The following PC variants were observed in gnomAD, a reference collection of about 807,000 sequenced individuals.
PC encodes pyruvate carboxylase, mitochondrial.
PC carries 46 observed loss-of-function variants against 107.8 expected under a neutral mutation model. The ratio of observed to expected loss-of-function variants is 0.43; its 90% CI spans 0.34 to 0.55. The LOEUF (loss-of-function observed/expected upper bound fraction) is 0.55. Ranked by LOEUF, PC falls within the 20% of genes least tolerant of loss-of-function variation. PC has a pLI of 0.04. For synonymous variants in PC, 662 were observed against 684.7 expected, an observed-to-expected ratio of 0.97 and a Z score of 0.52; for missense variants, 1,241 against 1,643.1, an observed-to-expected ratio of 0.76 and a Z score of 4.23.
intron 3 of PC, among the ~76,000 whole-genome samples, chr11:66,904,137 C>T (rs957452462): frequency 2.0e-5 from 3 of 152,118 alleles, no homozygotes; most frequent in Non-Finnish European, 4.4e-5. Flanking sequence ...AGCTTTTACA[C>T]AGAGCATGGG....
rs1945615015 is a variant in PC at position 66,853,239 on chromosome 11, C to G, written c.1513G>C (p.Gly505Arg). The change falls in exon 13 of 23, where the codon GGC (glycine) becomes CGC (arginine). Residue 505 changes from glycine to arginine, a missense_variant and splice_region_variant. By Grantham distance (125) the Gly-to-Arg change is moderately radical. This residue lies in a region of PC where 1,143 missense variants were observed against 1,551.9 expected (regional missense o/e 0.74). Coordinates refer to ENST00000393960, the MANE Select transcript of PC (RefSeq NM_001040716.2). The stretch of plus-strand genomic sequence containing the variant: ...AGGGCAGGGCAGTCTCGGGCCAGAC[C>G]GAGGTAGTGCAACAGCTTTTGGGCC... ...NRAQKLLHYL[G>R]HVMVNGPTTP... The G allele has an allele frequency of 6.2e-7, 1 of 1,613,692 alleles. No homozygotes were observed. The highest frequency in any genetic ancestry group is 8.5e-7 in the Non-Finnish European group (1 of 1,179,908).
At chr11:66,948,667 C>T (rs1348195814) in intron 3 of PC, among the ~76,000 whole-genome samples, 1 of 152,008 alleles carries the variant, frequency 6.6e-6, no homozygotes, top group African/African-American at 2.4e-5. Flanking sequence ...TGGTGAAACC[C>T]CGTCTCCACA....
At chr11:66,905,254 C>T (rs1948121373) in intron 3 of PC, among the ~76,000 whole-genome samples, 1 of 152,248 alleles carries the variant, frequency 6.6e-6, no homozygotes, top group South Asian at 2.1e-4. Context: ...GGCCGAGCAG[C>T]TTAGGAGAGC....
In PC at chr11:66,858,342, C is replaced by T; in HGVS notation, c.1369-4959G>A. The T allele has an allele frequency of 1.9e-6, 3 of 1,604,562 alleles. No individual in the cohort carries two copies. The highest frequency in any genetic ancestry group is 1.7e-4 in the Middle Eastern group (1 of 6,054). On this transcript the variant is annotated intron_variant, in intron 12 of 22. Transcript: ENST00000393960. This position sits in a 1 kb window ranked among gnomAD's most constrained non-coding sequence, Gnocchi z 5.9. ...GCTCGGTCAGCTCTCCCGCCTGGAC[C>T]TCACCTCCAACCGCCTGGCCACGCT... is the stretch of plus-strand genomic sequence containing the variant.
intron 3 of PC, among the ~76,000 whole-genome samples, chr11:66,943,755 CAAAAAAAAAAAAA>C (rs34245785): frequency 1.3e-3 from 22 of 17,588 alleles, no homozygotes; most frequent in East Asian, 7.4e-3. Context: ...GACTCCGGCT[CAAAAAAAAAAAAA>C]AAAAAAAAAA....
intron 3 of PC, among the ~76,000 whole-genome samples, chr11:66,927,180 C>T (rs748458483): frequency 1.5e-5 from 2 of 130,324 alleles, no homozygotes; most frequent in Admixed American, 9.5e-5. Flanking sequence ...ATTTGAATAA[C>T]GCTGCTGTGA....
chr11:66,891,895 T>C (rs1947589905), intron 3 of PC, among the ~76,000 whole-genome samples: 1 of 152,178 alleles, frequency 6.6e-6, no homozygotes, highest in African/African-American at 2.4e-5. Flanking sequence ...ATTACTGAAG[T>C]TGGCTATTTT....
intron 3 of PC, among the ~76,000 whole-genome samples, chr11:66,920,291 G>A (rs1259492475): frequency 1.3e-5 from 2 of 152,072 alleles, no homozygotes; most frequent in African/African-American, 4.8e-5. Flanking sequence ...CCTGTAACTG[G>A]TATTTACCCA....
intron 3 of PC, among the ~76,000 whole-genome samples, chr11:66,886,753 G>A (rs1947379532): frequency 1.3e-5 from 2 of 152,192 alleles, no homozygotes; most frequent in Non-Finnish European, 2.9e-5. Flanking sequence ...CAGTGACTCA[G>A]CTTTGAACCT....
At chr11:66,879,239 C>T (rs930953751) in intron 3 of PC, among the ~76,000 whole-genome samples, 1 of 152,224 alleles carries the variant, frequency 6.6e-6, no homozygotes, top group Non-Finnish European at 1.5e-5. Flanking sequence ...GCCCACCCAC[C>T]AAGCCAGGCT....
chr11:66,860,590 G>A (rs1946202803), intron 12 of PC: 4 of 701,166 alleles, frequency 5.7e-6, no homozygotes, highest in South Asian at 4.4e-5. Context: ...GGCAGTCACA[G>A]CAGCCTGGGG....
At chr11:66,874,025 T>A (rs1451696209) in intron 3 of PC, among the ~76,000 whole-genome samples, 2 of 152,020 alleles carry the variant, frequency 1.3e-5, no homozygotes, top group Non-Finnish European at 2.9e-5. Context: ...AATGGTGCGA[T>A]CTCGGCTCAC....
chr11:66,902,789 C>G (rs1387389210), intron 3 of PC, among the ~76,000 whole-genome samples: 1 of 152,186 alleles, frequency 6.6e-6, no homozygotes, highest in East Asian at 1.9e-4. Context: ...TTCCCCCAGG[C>G]TAACTGTGTA....
At position 66,848,570 on chromosome 11, in the gene PC, G is replaced by C. The variant is rs1945286291; in HGVS notation, c.*329C>G. The C allele has an allele frequency of 6.7e-6, 4 of 597,336 alleles. No individual in the cohort carries two copies. The Admixed American group carries it at 1.2e-4, about 18-fold the overall frequency. 37.0% of individuals were successfully genotyped at this position (597,336 alleles called of 1,614,324 possible). On this transcript the variant is annotated 3_prime_UTR_variant, in exon 23 of 23. Transcript: ENST00000393960. ...ATTGAGTAAACTTCCCAGGACCTGG[G>C]ACATCTTAGATCTCCCCTTCCCCCA...
intron 3 of PC, among the ~76,000 whole-genome samples, chr11:66,892,663 G>A (rs1565267092): frequency 1.3e-5 from 2 of 152,232 alleles, no homozygotes; most frequent in Middle Eastern, 3.4e-3. Flanking sequence ...TGGCCAAGAT[G>A]GTGAAACCCC....
chr11:66,910,681 G>C (rs1055837411), intron 3 of PC, among the ~76,000 whole-genome samples: 1 of 152,172 alleles, frequency 6.6e-6, no homozygotes, highest in Non-Finnish European at 1.5e-5. Context: ...GGTCACAGGG[G>C]CTAAGGTTTC....
At chr11:66,864,305 A>T (rs553383667) in intron 11 of PC, among the ~76,000 whole-genome samples, 1 of 152,260 alleles carries the variant, frequency 6.6e-6, no homozygotes, top group South Asian at 2.1e-4. Context: ...TGCCTGAGCA[A>T]CCCTCTAGCC....
intron 3 of PC, among the ~76,000 whole-genome samples, chr11:66,945,902 A>T (rs201078861): frequency 6.8e-6 from 1 of 146,870 alleles, no homozygotes; most frequent in Non-Finnish European, 1.5e-5. Flanking sequence ...CTGGCTAACA[A>T]GGTGAAACCC....
At chr11:66,889,069 A>G (rs570847749) in intron 3 of PC, among the ~76,000 whole-genome samples, 14 of 152,290 alleles carry the variant, frequency 9.2e-5, no homozygotes, top group Middle Eastern at 3.4e-3. Context: ...GTGAGACTCC[A>G]TCTCAAAAAA....
Sources: allele counts gnomAD v4.1 joint callset (sites outside exome capture counted in the v4.1 genomes callset), GRCh38; gene constraint gnomAD v4.1.1; regional missense constraint gnomAD v4.1.1; non-coding constraint Gnocchi (gnomAD v3.1); transcripts MANE v1.5; gene names NCBI Gene and HGNC (gene_info 2026-07-23, HGNC 2026-07-21).